The following MOCS2 variants were observed in gnomAD, a reference collection of about 807,000 sequenced individuals.
The protein encoded by MOCS2 is molybdopterin synthase catalytic subunit.
A neutral mutation model predicts 21.9 loss-of-function variants in MOCS2; 13 were observed. The observed-to-expected ratio is 0.59, with a 90% CI of 0.39 to 0.94. The LOEUF is 0.94. Among genes scored for constraint, MOCS2 ranks in the 40% least tolerant of loss-of-function variants. The pLI is 0.00. For synonymous variants in MOCS2, 92 were observed against 80.8 expected, an observed-to-expected ratio of 1.14 and a Z score of -0.74; for missense variants, 227 against 218.3, an observed-to-expected ratio of 1.04 and a Z score of -0.25.
At chr5:53,102,787 A>T (rs567175131) in intron 3 of MOCS2, among the ~76,000 whole-genome samples, 1 of 152,156 alleles carries the variant, frequency 6.6e-6, no homozygotes, top group African/African-American at 2.4e-5. Context: ...TCTCTACTAA[A>T]AATACAAAAA....
intron 3 of MOCS2, among the ~76,000 whole-genome samples, chr5:53,102,724 A>C (rs1740948956): frequency 6.6e-6 from 1 of 152,028 alleles, no homozygotes; most frequent in South Asian, 2.1e-4. Context: ...AGGCGGGTGG[A>C]TCATTTGGGG....
At position 53,109,399 on chromosome 5, in the gene MOCS2, A is replaced by C; in HGVS notation, c.-318T>G. The C allele has an allele frequency of 2.5e-6, 3 of 1,216,934 alleles. No homozygotes were observed. Among genetic ancestry groups the C allele is most frequent in the Non-Finnish European group, 3.1e-6 (3 of 977,584 alleles). 75.4% of individuals were successfully genotyped at this position (1,216,934 alleles called of 1,614,324 possible). ...TAGATTAAAATTTTAGCTTCATCAA[A>C]ACGAATAATCTGGGAAAGAGGTGGT... On this transcript the variant is annotated 5_prime_UTR_variant, in exon 1 of 7. Coordinates refer to ENST00000396954, the MANE Select transcript of MOCS2 (RefSeq NM_004531.5).
chr5:53,101,261 G>A (rs557067154), intron 5 of MOCS2, 98 bp downstream of exon 5: 4 of 1,249,780 alleles, frequency 3.2e-6, no homozygotes, highest in Admixed American at 1.7e-5. Context: ...TTCCTCTCAT[G>A]GTAATATAGA....
rs1300848245 is a variant in MOCS2, at chr5:53,102,322, G to A, written c.99-98C>T. On this transcript the variant is annotated intron_variant, in intron 3 of 6. Transcript: ENST00000396954. ...CAATTTATATTTTTTTCTACATTAT[G>A]TCGATGTAAAAGGAAGAGGCTGTGG... 6 of 1,220,552 alleles carry A rather than the reference G, an allele frequency of 4.9e-6. No individual in the cohort carries two copies. In the East Asian group the frequency reaches 1.5e-4, roughly 30 times the overall value. The allele number at this position is 1,220,552 out of a possible 1,614,324, so 75.6% of individuals were successfully genotyped here.
At chr5:53,107,413 C>A (rs983526359) in intron 2 of MOCS2, 192 bp from the exon 3 acceptor site, 10 of 572,990 alleles carry the variant, frequency 1.7e-5, no homozygotes, top group Admixed American at 3.1e-5. Flanking sequence ...CACAAAGATA[C>A]GTTAAACTGC....
intron 1 of MOCS2, among the ~76,000 whole-genome samples, chr5:53,108,988 A>C (rs1485339368): frequency 6.6e-6 from 1 of 152,242 alleles, no homozygotes; most frequent in Non-Finnish European, 1.5e-5. Flanking sequence ...CAAAGAACAA[A>C]TGTTTGAGTC....
chr5:53,103,200 T>C (rs1740964531), intron 3 of MOCS2, among the ~76,000 whole-genome samples: 1 of 152,220 alleles, frequency 6.6e-6, no homozygotes, highest in Admixed American at 6.5e-5. Flanking sequence ...ATATTCATAA[T>C]GAATCAGGCA....
At chr5:53,100,865 C>A in intron 5 of MOCS2, 1 of 349,158 alleles carries the variant, frequency 2.9e-6, no homozygotes, top group Non-Finnish European at 5.4e-6. Flanking sequence ...AAAGTTATGT[C>A]CTAACGAGTA....
Position 53,102,262 on chromosome 5 carries a change from TA to T in MOCS2, c.99-39del, listed in dbSNP as rs776069291. 2.3e-5 allele frequency: 37 copies of T among 1,596,476 alleles called. No individual in the cohort carries two copies. The African/African-American group carries it at 4.4e-4, about 19-fold the overall frequency. Reference sequence around the variant, plus strand: ...CATTAACAAACCTTAACAGAAGTCCTAGGGGTAAAACACTCAACAACTTATA... The same window carrying T: ...CATTAACAAACCTTAACAGAAGTCCTGGGGTAAAACACTCAACAACTTATA... On this transcript the variant is annotated intron_variant, in intron 3 of 6. Coordinates refer to ENST00000396954, the MANE Select transcript of MOCS2 (RefSeq NM_004531.5).
intron 4 of MOCS2, 44 bp downstream of exon 4, chr5:53,102,053 T>C: frequency 1.3e-6 from 2 of 1,594,146 alleles, no homozygotes; most frequent in Non-Finnish European, 1.7e-6. Context: ...TGCTAATTTC[T>C]ATTGTCTTAT....
chr5:53,101,121 G>A (rs1469083079), intron 5 of MOCS2: 1 of 577,868 alleles, frequency 1.7e-6, no homozygotes, highest in African/African-American at 1.9e-5. Flanking sequence ...GGGCCTGCAA[G>A]TCTTGGCACA....
At chr5:53,103,412 A>G (rs1299614355) in intron 3 of MOCS2, among the ~76,000 whole-genome samples, 4 of 152,138 alleles carry the variant, frequency 2.6e-5, no homozygotes, top group African/African-American at 9.7e-5. Flanking sequence ...TCTTTATCCA[A>G]CAAAAAAGGA....
chr5:53,109,601 C>T lies in MOCS2; in HGVS notation c.-520G>A. 1.3e-6 allele frequency: 2 copies of T among 1,497,454 alleles called. No homozygotes were observed. Among genetic ancestry groups the T allele is most frequent in the African/African-American group, 1.4e-5 (1 of 70,894 alleles). The allele number at this position is 1,497,454 out of a possible 1,614,324, so 92.8% of individuals were successfully genotyped here. ...CCCAAGACGCCGGCCAGGTTGGGGGCTAGTGGGGAGGTCCGACTGACCAAG... is the reference window on the plus strand; with the variant it reads ...CCCAAGACGCCGGCCAGGTTGGGGGTTAGTGGGGAGGTCCGACTGACCAAG... On this transcript the variant is annotated 5_prime_UTR_variant, in exon 1 of 7. It removes the in-frame stop codon of an upstream open reading frame in the 5' UTR. Transcript: ENST00000396954.
rs1481610510 is a variant in MOCS2, at chr5:53,097,521, C to T, written c.*1081G>A. 1 of 152,136 alleles carries T rather than the reference C, an allele frequency of 6.6e-6. No individual in the cohort carries two copies. The highest frequency in any genetic ancestry group is 1.5e-5 in the Non-Finnish European group (1 of 68,028). 9.4% of individuals were successfully genotyped at this position (152,136 alleles called of 1,614,324 possible). On this transcript the variant is annotated 3_prime_UTR_variant, in exon 7 of 7. Coordinates refer to ENST00000396954, the MANE Select transcript of MOCS2 (RefSeq NM_004531.5). Reference sequence around the variant, plus strand: ...GCTTTTGTTCTTAATATGCATAATGCAAATTTTGTGATGATGCCGACTGCC... The same window carrying T: ...GCTTTTGTTCTTAATATGCATAATGTAAATTTTGTGATGATGCCGACTGCC...
chr5:53,109,689 G>A lies in MOCS2; in HGVS notation c.-608C>T. 7 of 1,552,276 alleles carry A rather than the reference G, an allele frequency of 4.5e-6. No homozygotes were observed. The highest frequency in any genetic ancestry group is 2.4e-5 in the East Asian group (1 of 40,946). ...CGAGGAGGGCTCCGCACCCAGGCCC[G>A]CACGCACACCCGCCACCCTTACCTG... On this transcript the variant is annotated 5_prime_UTR_variant, in exon 1 of 7. Coordinates refer to ENST00000396954, the MANE Select transcript of MOCS2 (RefSeq NM_004531.5).
rs1741149077 is a variant in MOCS2 at position 53,109,549 on chromosome 5, G to A, written c.-468C>T. On this transcript the variant is annotated 5_prime_UTR_variant, in exon 1 of 7. Transcript: ENST00000396954. ...TAAAGCCCGGAGACAGGAAGGGCCC[G>A]GGGGCGGGGGCGGGGGCGCCCCCGA... is the stretch of plus-strand genomic sequence containing the variant. 7.2e-7 allele frequency: 1 copy of A among 1,390,784 alleles called. No homozygotes were observed. The highest frequency in any genetic ancestry group is 9.3e-7 in the Non-Finnish European group (1 of 1,071,532). 86.2% of individuals were successfully genotyped at this position (1,390,784 alleles called of 1,614,324 possible).
chr5:53,101,821 C>A (rs1031013328), intron 4 of MOCS2, among the ~76,000 whole-genome samples: 6 of 152,164 alleles, frequency 3.9e-5, no homozygotes, highest in Non-Finnish European at 8.8e-5. Context: ...CCAGGACTAT[C>A]AAGTACATTT....
In MOCS2 at chr5:53,109,720, G is replaced by A; in HGVS notation, c.-639C>T. On this transcript the variant is annotated 5_prime_UTR_variant, in exon 1 of 7. Transcript: ENST00000396954. ...ACACCCGCCACCCTTACCTGGCACA[G>A]CGGCACCATCCCGCCTAGGACAGCG... 4 of 1,552,314 alleles carry A rather than the reference G, an allele frequency of 2.6e-6. No individual in the cohort carries two copies. The South Asian group carries it at 3.6e-5, about 14-fold the overall frequency.
At chr5:53,104,452 C>T (rs985549079) in intron 3 of MOCS2, among the ~76,000 whole-genome samples, 4 of 152,204 alleles carry the variant, frequency 2.6e-5, no homozygotes, top group South Asian at 2.1e-4. Flanking sequence ...GTAATTACCA[C>T]AAATATCCCT....
Sources: allele counts gnomAD v4.1 joint callset (sites outside exome capture counted in the v4.1 genomes callset), GRCh38; gene constraint gnomAD v4.1.1; transcripts MANE v1.5; gene names NCBI Gene and HGNC (gene_info 2026-07-23, HGNC 2026-07-21).